ENTREP2: variants seen among roughly 807,000 people sequenced by gnomAD.
The protein encoded by ENTREP2 is endosomal transmembrane epsin interactor 2, also known as protein ENTREP2.
chr15:29,148,433 G>T, the ENTREP2 span, among the ~76,000 whole-genome samples: 1 of 152,306 alleles, frequency 6.6e-6, no homozygotes, highest in Middle Eastern at 3.4e-3. Context: ...AAAATCGGTG[G>T]AGGGTGAAGT....
the ENTREP2 span, among the ~76,000 whole-genome samples, chr15:29,598,266 T>C: frequency 1.3e-5 from 2 of 152,340 alleles, no homozygotes; most frequent in Admixed American, 1.3e-4. Context: ...ATTGTTGGTT[T>C]TTGGATGTCC....
the ENTREP2 span, among the ~76,000 whole-genome samples, chr15:29,554,840 C>T: frequency 6.6e-6 from 1 of 152,110 alleles, no homozygotes; most frequent in African/African-American, 2.4e-5. Flanking sequence ...AAGGCATGGA[C>T]CTCTTGACCT....
the ENTREP2 span, among the ~76,000 whole-genome samples, chr15:29,428,595 T>C: frequency 6.6e-6 from 1 of 152,248 alleles, no homozygotes; most frequent in African/African-American, 2.4e-5. Flanking sequence ...TTCTGAATTG[T>C]TTAAATACAT....
At chr15:29,124,161 G>A in the ENTREP2 span, among the ~76,000 whole-genome samples, 1 of 152,204 alleles carries the variant, frequency 6.6e-6, no homozygotes, top group African/African-American at 2.4e-5. Context: ...CAGAGGCTGG[G>A]GACCTGGCTC....
At chr15:29,617,812 G>A in the ENTREP2 span, among the ~76,000 whole-genome samples, 7 of 152,298 alleles carry the variant, frequency 4.6e-5, no homozygotes, top group South Asian at 8.3e-4. Context: ...GGTGGGTGAC[G>A]GGGATGCCCG....
At chr15:29,301,371 G>GTACT in the ENTREP2 span, among the ~76,000 whole-genome samples, 2 of 152,192 alleles carry the variant, frequency 1.3e-5, no homozygotes, top group Non-Finnish European at 2.9e-5. Context: ...TAAGGCAGAA[G>GTACT]TACTTTTACT....
At chr15:29,207,455 C>CGGGG in the ENTREP2 span, among the ~76,000 whole-genome samples, 143 of 123,064 alleles carry the variant, frequency 1.2e-3, no homozygotes, top group African/African-American at 4.6e-3. Flanking sequence ...GGTTGGGGGG[C>CGGGG]GGGGGGGGTG....
chr15:29,518,047 G>C, the ENTREP2 span, among the ~76,000 whole-genome samples: 1 of 152,000 alleles, frequency 6.6e-6, no homozygotes. Context: ...GACCAGCCTG[G>C]GCAACACAGC....
At chr15:29,402,292 T>TGTGTGTGTG in the ENTREP2 span, among the ~76,000 whole-genome samples, 3 of 131,698 alleles carry the variant, frequency 2.3e-5, no homozygotes, top group Non-Finnish European at 3.3e-5. Context: ...GTATATTGTA[T>TGTGTGTGTG]TGTGTGTGTG....
At chr15:29,139,631 T>G in the ENTREP2 span, among the ~76,000 whole-genome samples, 1 of 152,142 alleles carries the variant, frequency 6.6e-6, no homozygotes, top group Admixed American at 6.5e-5. Context: ...AGGGACCCTC[T>G]CCGCAGGTGC....
At chr15:29,617,159 C>T in the ENTREP2 span, among the ~76,000 whole-genome samples, 1 of 152,174 alleles carries the variant, frequency 6.6e-6, no homozygotes, top group African/African-American at 2.4e-5. Context: ...AGGCTGTCTG[C>T]AGGCTGGAGG....
chr15:29,426,181 G>A, the ENTREP2 span, among the ~76,000 whole-genome samples: 1 of 152,016 alleles, frequency 6.6e-6, no homozygotes, highest in Non-Finnish European at 1.5e-5. Context: ...CAGAAATTTG[G>A]AGTCCACTGT....
the ENTREP2 span, among the ~76,000 whole-genome samples, chr15:29,520,441 C>T: frequency 6.6e-6 from 1 of 152,156 alleles, no homozygotes; most frequent in Non-Finnish European, 1.5e-5. Flanking sequence ...AATTCACTTT[C>T]TACCTTCATG....
At chr15:29,571,255 G>A in the ENTREP2 span, among the ~76,000 whole-genome samples, 5 of 152,156 alleles carry the variant, frequency 3.3e-5, no homozygotes, top group South Asian at 2.1e-4. Flanking sequence ...AGCGCATCAA[G>A]GGCAACGGCA....
the ENTREP2 span, among the ~76,000 whole-genome samples, chr15:29,235,897 A>T: frequency 6.6e-6 from 1 of 152,128 alleles, no homozygotes; most frequent in Non-Finnish European, 1.5e-5. Context: ...CGTGAGGCAG[A>T]GGTTGCAGTG....
At chr15:29,561,707 T>A in the ENTREP2 span, among the ~76,000 whole-genome samples, 4 of 150,314 alleles carry the variant, frequency 2.7e-5, no homozygotes, top group South Asian at 2.1e-4. Context: ...ATAATAATAA[T>A]AATAAAATAA....
chr15:29,391,995 T>C, the ENTREP2 span, among the ~76,000 whole-genome samples: 1 of 152,266 alleles, frequency 6.6e-6, no homozygotes, highest in East Asian at 1.9e-4. Context: ...TGGCTAATTT[T>C]TTTTCCTATT....
At chr15:29,513,214 G>C in the ENTREP2 span, among the ~76,000 whole-genome samples, 1 of 152,090 alleles carries the variant, frequency 6.6e-6, no homozygotes, top group East Asian at 1.9e-4. Flanking sequence ...GGACCACAAG[G>C]GCCGCCTGCT....
chr15:29,268,579 C>A, the ENTREP2 span: 1 of 477,652 alleles, frequency 2.1e-6, no homozygotes, highest in Non-Finnish European at 3.5e-6. Flanking sequence ...AGAGTAAAAT[C>A]AAAACAAATG....
Sources: allele counts gnomAD v4.1 joint callset (sites outside exome capture counted in the v4.1 genomes callset), GRCh38; gene constraint gnomAD v4.1.1; transcripts MANE v1.5; gene names NCBI Gene and HGNC (gene_info 2026-07-23, HGNC 2026-07-21).